Variants in MAF observed in about 807,000 individuals in gnomAD.
MAF encodes the protein MAF bZIP transcription factor, also known as transcription factor Maf.
A neutral mutation model predicts 22.0 loss-of-function variants in MAF; 10 were observed. The observed-to-expected ratio is 0.45, with a 90% CI of 0.28 to 0.77. The LOEUF (loss-of-function observed/expected upper bound fraction) is 0.77. Among genes scored for constraint, MAF ranks in the 30% least tolerant of loss-of-function variants. MAF has a pLI of 0.12. For synonymous variants in MAF, 337 were observed against 255.8 expected (o/e 1.32, Z -3.03); for missense variants, 544 against 548.4 (o/e 0.99, Z 0.08).
the MAF span, among the ~76,000 whole-genome samples, chr16:79,290,730 T>A: frequency 6.6e-5 from 10 of 152,232 alleles, no homozygotes; most frequent in South Asian, 2.1e-3. Flanking sequence ...CAATGATGCC[T>A]CATTTTTTCC....
At chr16:79,303,368 G>C in the MAF span, among the ~76,000 whole-genome samples, 4 of 152,216 alleles carry the variant, frequency 2.6e-5, no homozygotes, top group African/African-American at 4.8e-5. Context: ...CCTGGCATGG[G>C]ATTGCAGTGG....
chr16:79,455,082 G>A, the MAF span, among the ~76,000 whole-genome samples: 1 of 150,602 alleles, frequency 6.6e-6, no homozygotes, highest in Non-Finnish European at 1.5e-5. Flanking sequence ...GGCAACAAGA[G>A]CGAAACTCCG....
At chr16:79,353,443 T>G in the MAF span, among the ~76,000 whole-genome samples, 2 of 152,128 alleles carry the variant, frequency 1.3e-5, no homozygotes, top group Non-Finnish European at 2.9e-5. Flanking sequence ...ACCAAGAAAT[T>G]ATTCAAAGTT....
the MAF span, among the ~76,000 whole-genome samples, chr16:79,208,366 T>C: frequency 7.5e-6 from 1 of 134,060 alleles, no homozygotes; most frequent in East Asian, 2.0e-4. Flanking sequence ...AGGCTTCTGA[T>C]AAATGATTGA....
the MAF span, among the ~76,000 whole-genome samples, chr16:79,249,770 C>G: frequency 1.4e-4 from 21 of 151,700 alleles, no homozygotes; most frequent in African/African-American, 5.1e-4. Context: ...CCCTTCCTCT[C>G]TTCTTTCCTC....
At chr16:79,333,085 G>A in the MAF span, among the ~76,000 whole-genome samples, 273 of 152,336 alleles carry the variant, frequency 1.8e-3, 2 homozygotes, top group South Asian at 3.7e-3. Flanking sequence ...AAGGATAGGC[G>A]CTGCAGTCCT....
the MAF span, among the ~76,000 whole-genome samples, chr16:79,314,480 T>G: frequency 6.6e-6 from 1 of 152,096 alleles, no homozygotes; most frequent in Admixed American, 6.6e-5. Flanking sequence ...CTGTACTCTA[T>G]CTCTCAGGGG....
the MAF span, among the ~76,000 whole-genome samples, chr16:79,486,184 C>T: frequency 6.6e-6 from 1 of 152,136 alleles, no homozygotes; most frequent in Admixed American, 6.5e-5. Flanking sequence ...GGCTCATCTC[C>T]CTTGATTGTT....
At chr16:79,219,379 A>G in the MAF span, among the ~76,000 whole-genome samples, 3 of 151,756 alleles carry the variant, frequency 2.0e-5, no homozygotes, top group Admixed American at 2.0e-4. Flanking sequence ...TTCATTTAAG[A>G]CTCACAGCTT....
At chr16:79,363,518 G>T in the MAF span, among the ~76,000 whole-genome samples, 6 of 152,128 alleles carry the variant, frequency 3.9e-5, no homozygotes, top group South Asian at 2.1e-4. Context: ...TTACTTACTA[G>T]TGAAAAACAG....
At chr16:79,215,062 C>A in the MAF span, among the ~76,000 whole-genome samples, 1 of 152,044 alleles carries the variant, frequency 6.6e-6, no homozygotes, top group South Asian at 2.1e-4. Flanking sequence ...CCCCTTCTCC[C>A]CATTTTACTG....
At chr16:79,472,262 C>T in the MAF span, among the ~76,000 whole-genome samples, 2 of 152,260 alleles carry the variant, frequency 1.3e-5, no homozygotes, top group East Asian at 3.9e-4. Flanking sequence ...CAATTCCACT[C>T]CTGGGAATCT....
At chr16:79,270,727 C>A in the MAF span, among the ~76,000 whole-genome samples, 2 of 152,130 alleles carry the variant, frequency 1.3e-5, no homozygotes, top group Admixed American at 6.5e-5. Context: ...TTTGTGTGGG[C>A]TGAAGTCCAG....
the MAF span, among the ~76,000 whole-genome samples, chr16:79,375,164 G>C: frequency 6.6e-6 from 1 of 152,214 alleles, no homozygotes; most frequent in Admixed American, 6.5e-5. Context: ...AAAGTGGATG[G>C]CTATTTTCAG....
chr16:79,407,642 CA>C, the MAF span, among the ~76,000 whole-genome samples: 1 of 152,252 alleles, frequency 6.6e-6, no homozygotes, highest in Middle Eastern at 3.4e-3. Flanking sequence ...CTGGTAATCT[CA>C]GAAGCACATC....
the MAF span, among the ~76,000 whole-genome samples, chr16:79,554,389 G>A: frequency 6.2e-3 from 939 of 152,134 alleles, 9 homozygotes; most frequent in African/African-American, 0.022. Context: ...TATTAGAAAG[G>A]TAGAAAAACG....
intron 1 of MAF, among the ~76,000 whole-genome samples, chr16:79,586,120 G>A (rs1385112650): frequency 6.6e-6 from 1 of 152,178 alleles, no homozygotes; most frequent in Non-Finnish European, 1.5e-5. Flanking sequence ...CAAGCCAGAG[G>A]AGGGGTTGAC....
the MAF span, among the ~76,000 whole-genome samples, chr16:79,513,698 A>G: frequency 1.7e-4 from 26 of 152,298 alleles, no homozygotes; most frequent in Non-Finnish European, 3.4e-4. Flanking sequence ...TGTTGAGCTT[A>G]TTGAGCTCAT....
chr16:79,267,033 G>A, the MAF span, among the ~76,000 whole-genome samples: 1 of 152,172 alleles, frequency 6.6e-6, no homozygotes, highest in African/African-American at 2.4e-5. Flanking sequence ...TTACTAGTCT[G>A]TCTCCACTAT....
Sources: gnomAD v4.1 joint callset for allele counts (sites outside exome capture counted in the v4.1 genomes callset) on GRCh38, gnomAD v4.1.1 for gene constraint, MANE v1.5 for transcripts, NCBI Gene and HGNC (gene_info 2026-07-23, HGNC 2026-07-21) for gene names.